Variants in ARL15 observed in about 807,000 individuals in gnomAD.
ARL15 encodes ARF like GTPase 15.
In ARL15, 19 loss-of-function variants were observed where a neutral mutation model predicts 25.2. The ratio of observed to expected loss-of-function variants is 0.75; its 90% CI spans 0.53 to 1.10. The LOEUF (loss-of-function observed/expected upper bound fraction) is 1.10. ARL15 is among the 50% of genes least tolerant of loss of function. The pLI, the probability that ARL15 is intolerant of heterozygous loss-of-function variation, is 0.00. For missense variants in ARL15, 220 were observed against 246.0 expected, an observed-to-expected ratio of 0.89 and a Z score of 0.71; for synonymous variants, 94 against 86.8, an observed-to-expected ratio of 1.08 and a Z score of -0.46.
At chr5:54,143,524 T>C (rs1172861523) in intron 3 of ARL15, among the ~76,000 whole-genome samples, 2 of 152,062 alleles carry the variant, frequency 1.3e-5, no homozygotes, top group African/African-American at 4.8e-5. Context: ...AATATTTTTA[T>C]GCTATCCGTA....
chr5:53,974,879 T>C (rs1747877903), intron 4 of ARL15, among the ~76,000 whole-genome samples: 1 of 152,162 alleles, frequency 6.6e-6, no homozygotes, highest in African/African-American at 2.4e-5. Context: ...TTCTGGCTTC[T>C]TTACTGAACT....
intron 2 of ARL15, among the ~76,000 whole-genome samples, chr5:54,168,214 G>A (rs924120502): frequency 2.6e-5 from 4 of 152,000 alleles, no homozygotes; most frequent in Non-Finnish European, 4.4e-5. Context: ...CTTTCTTCCC[G>A]CTTTCTACCC....
intron 3 of ARL15, among the ~76,000 whole-genome samples, chr5:54,152,848 C>T (rs565116019): frequency 6.6e-6 from 1 of 152,300 alleles, no homozygotes; most frequent in South Asian, 2.1e-4. Flanking sequence ...GACCTATTCC[C>T]ACCTTATGTA....
intron 1 of ARL15, among the ~76,000 whole-genome samples, chr5:54,303,755 G>A (rs564564282): frequency 2.9e-5 from 4 of 140,112 alleles, no homozygotes; most frequent in African/African-American, 1.1e-4. Flanking sequence ...GAGGGGAAAG[G>A]AGGGGAAGGG....
At chr5:54,224,183 G>T (rs1217753335) in intron 1 of ARL15, among the ~76,000 whole-genome samples, 1 of 152,154 alleles carries the variant, frequency 6.6e-6, no homozygotes, top group Non-Finnish European at 1.5e-5. Context: ...CAAGCCAGAG[G>T]ATATGTGGGC....
intron 1 of ARL15, among the ~76,000 whole-genome samples, chr5:54,274,410 A>G (rs1757870445): frequency 6.6e-6 from 1 of 152,212 alleles, no homozygotes; most frequent in African/African-American, 2.4e-5. Flanking sequence ...AAAGAAAAAT[A>G]CAGCAGTCCT....
intron 3 of ARL15, among the ~76,000 whole-genome samples, chr5:54,134,182 G>A (rs1753525008): frequency 6.6e-6 from 1 of 152,148 alleles, no homozygotes; most frequent in African/African-American, 2.4e-5. Context: ...GAACCACCAT[G>A]GGTTCACTAA....
Position 53,886,469 on chromosome 5 carries a change from C to T in ARL15, c.*92G>A. 7.3e-7 allele frequency: 1 copy of T among 1,364,340 alleles called. No homozygotes were observed. 84.5% of individuals were successfully genotyped at this position (1,364,340 alleles called of 1,614,324 possible). A position where few individuals can be genotyped will look rare whatever the true frequency, so the allele number is the denominator to read the frequency against. ...GACCAGAGGAAAATAGATACTGAAG[C>T]CAATATAGTCTTGATACCAAAATAA... On this transcript the variant is annotated 3_prime_UTR_variant, in exon 5 of 5. Transcript: ENST00000504924.
At chr5:53,958,099 A>G (rs866141371) in intron 4 of ARL15, among the ~76,000 whole-genome samples, 6 of 151,926 alleles carry the variant, frequency 3.9e-5, no homozygotes, top group South Asian at 2.1e-4. Flanking sequence ...AATCCCAGCT[A>G]CTAAGGAGGC....
chr5:54,132,639 T>C (rs1753474373), intron 3 of ARL15, among the ~76,000 whole-genome samples: 1 of 152,230 alleles, frequency 6.6e-6, no homozygotes, highest in Non-Finnish European at 1.5e-5. Flanking sequence ...ACTCCATAGA[T>C]AGGGGCTGCT....
intron 2 of ARL15, among the ~76,000 whole-genome samples, chr5:54,158,020 T>C (rs1439011016): frequency 1.3e-5 from 2 of 152,214 alleles, no homozygotes; most frequent in African/African-American, 4.8e-5. Flanking sequence ...AGTCATACTT[T>C]CAGTTCACCA....
At chr5:54,308,037 G>A (rs890171090) in intron 1 of ARL15, 4 of 152,138 alleles carry the variant, frequency 2.6e-5, no homozygotes, top group Admixed American at 1.3e-4. Context: ...TCAGAAATAG[G>A]GCTTTTAATA....
chr5:53,947,216 G>GTGTGTC (rs1360381158), intron 4 of ARL15, among the ~76,000 whole-genome samples: 38 of 134,934 alleles, frequency 2.8e-4, no homozygotes, highest in Admixed American at 1.1e-3. Flanking sequence ...GTGTGTGTGT[G>GTGTGTC]TGTGTTGAGG....
chr5:54,006,193 C>T (rs1275352967), intron 4 of ARL15, among the ~76,000 whole-genome samples: 2 of 151,670 alleles, frequency 1.3e-5, no homozygotes, highest in East Asian at 3.9e-4. Context: ...TAAACACTGT[C>T]TTCATAATTG....
At chr5:53,977,789 C>T (rs1279559860) in intron 4 of ARL15, among the ~76,000 whole-genome samples, 1 of 152,136 alleles carries the variant, frequency 6.6e-6, no homozygotes, top group Admixed American at 6.5e-5. Flanking sequence ...GAATCTGGTG[C>T]TCTCTATGCA....
At chr5:54,030,491 G>A (rs1162166446) in intron 4 of ARL15, among the ~76,000 whole-genome samples, 4 of 152,160 alleles carry the variant, frequency 2.6e-5, no homozygotes, top group Non-Finnish European at 5.9e-5. Flanking sequence ...CTGAAACAGA[G>A]AGATGTGATA....
chr5:54,166,176 G>A (rs566220644), intron 2 of ARL15, among the ~76,000 whole-genome samples: 24 of 151,958 alleles, frequency 1.6e-4, no homozygotes, highest in African/African-American at 4.1e-4. Context: ...TTATATTCAC[G>A]TTTCTTTCTC....
chr5:54,149,003 T>G (rs1753988825), intron 3 of ARL15, among the ~76,000 whole-genome samples: 1 of 152,194 alleles, frequency 6.6e-6, no homozygotes, highest in African/African-American at 2.4e-5. Context: ...AAATGCAACA[T>G]TATCAGAGCT....
chr5:54,080,401 C>T (rs1372620931), intron 4 of ARL15, among the ~76,000 whole-genome samples: 2 of 152,112 alleles, frequency 1.3e-5, no homozygotes, highest in Non-Finnish European at 2.9e-5. Context: ...TGCATAATTT[C>T]TTCAAAGATG....
Sources: gnomAD v4.1 joint callset for allele counts (sites outside exome capture counted in the v4.1 genomes callset) on GRCh38, gnomAD v4.1.1 for gene constraint, MANE v1.5 for transcripts, NCBI Gene and HGNC (gene_info 2026-07-23, HGNC 2026-07-21) for gene names.